The following ZFP64 variants were observed in gnomAD, a reference collection of about 807,000 sequenced individuals.
ZFP64 encodes ZFP64 zinc finger protein, also known as zinc finger protein 64.
In ZFP64, 14 loss-of-function variants were observed where a neutral mutation model predicts 51.6. The observed-to-expected ratio is 0.27, with a 90% CI of 0.18 to 0.42. The LOEUF (loss-of-function observed/expected upper bound fraction) is 0.42. ZFP64 is among the 10% of genes least tolerant of loss of function. The probability of loss-of-function intolerance (pLI) is 1.00; values close to 1 mark genes in which losing one functional copy is unlikely to be tolerated. For synonymous variants in ZFP64, 375 were observed against 361.4 expected, an observed-to-expected ratio of 1.04 and a Z score of -0.43; for missense variants, 754 against 906.8, an observed-to-expected ratio of 0.83 and a Z score of 2.16.
intron 5 of ZFP64, among the ~76,000 whole-genome samples, chr20:52,133,872 T>C (rs1600737501): frequency 6.6e-6 from 1 of 151,508 alleles, no homozygotes; most frequent in East Asian, 2.0e-4. Flanking sequence ...CTACAAAAAA[T>C]ACAAAAATTA....
At chr20:52,129,647 C>G (rs1439390681) in intron 5 of ZFP64, among the ~76,000 whole-genome samples, 1 of 152,126 alleles carries the variant, frequency 6.6e-6, no homozygotes, top group Non-Finnish European at 1.5e-5. Flanking sequence ...TGCTGGTCAC[C>G]CCGGCCCTGG....
At position 52,085,373 on chromosome 20, in the gene ZFP64, A is replaced by T; in HGVS notation, c.1229-107T>A. Reference sequence around the variant, plus strand: ...CGCCATGAGATGGTTGGGTTTTGTGAACTCTAAACCCAACCTCCTAATGAC... The same window carrying T: ...CGCCATGAGATGGTTGGGTTTTGTGTACTCTAAACCCAACCTCCTAATGAC... On this transcript the variant is annotated intron_variant, in intron 8 of 8. Transcript: ENST00000361387. The surrounding 1 kb of genome is among the most constrained non-coding windows in gnomAD (Gnocchi z 4.3). The T allele has an allele frequency of 1.6e-6, 2 of 1,219,430 alleles. No homozygotes were observed. The highest frequency in any genetic ancestry group is 2.3e-6 in the Non-Finnish European group (2 of 886,838). 75.5% of individuals were successfully genotyped at this position (1,219,430 alleles called of 1,614,324 possible). A position where few individuals can be genotyped will look rare whatever the true frequency, so the allele number is the denominator to read the frequency against.
At chr20:52,128,757 G>C (rs368837324) in intron 5 of ZFP64, among the ~76,000 whole-genome samples, 1 of 152,066 alleles carries the variant, frequency 6.6e-6, no homozygotes, top group East Asian at 1.9e-4. Context: ...TTTCCACCTG[G>C]TCTCCCACAG....
intron 5 of ZFP64, among the ~76,000 whole-genome samples, chr20:52,120,855 T>C (rs1979155935): frequency 6.6e-6 from 1 of 151,972 alleles, no homozygotes; most frequent in South Asian, 2.1e-4. Context: ...TCTTGTATTT[T>C]TAGTACAGAT....
chr20:52,142,015 A>G (rs1262449218), intron 5 of ZFP64, among the ~76,000 whole-genome samples: 1 of 152,212 alleles, frequency 6.6e-6, no homozygotes, highest in Non-Finnish European at 1.5e-5. Flanking sequence ...ATGGGCATAC[A>G]GTGTGGAATA....
At chr20:52,171,056 G>A (rs930473005) in intron 2 of ZFP64, among the ~76,000 whole-genome samples, 3 of 152,210 alleles carry the variant, frequency 2.0e-5, no homozygotes, top group Admixed American at 6.5e-5. Flanking sequence ...TATATTAATA[G>A]TATTCTGTTG....
chr20:52,098,487 C>T (rs2079015862), exon 6 of ZFP64: 2 of 1,614,008 alleles, frequency 1.2e-6, no homozygotes, highest in African/African-American at 1.3e-5. Context: ...CCATTTGTTC[C>T]CTTGCCTCTG....
chr20:52,155,966 A>G (rs1285288893), intron 5 of ZFP64, among the ~76,000 whole-genome samples: 1 of 152,252 alleles, frequency 6.6e-6, no homozygotes, highest in Admixed American at 6.5e-5. Flanking sequence ...AGGGAAAATG[A>G]ACATTCCACG....
chr20:52,137,521 G>C (rs1363966298), intron 5 of ZFP64, among the ~76,000 whole-genome samples: 1 of 152,200 alleles, frequency 6.6e-6, no homozygotes, highest in African/African-American at 2.4e-5. Context: ...TATGCTCCAG[G>C]AAGTACTCCA....
chr20:52,088,793 T>C, intron 7 of ZFP64: 1 of 999,038 alleles, frequency 1.0e-6, no homozygotes, highest in Non-Finnish European at 1.5e-6. Context: ...CATCAGCATA[T>C]TGGGAAACAA....
intron 5 of ZFP64, among the ~76,000 whole-genome samples, chr20:52,100,252 G>GTATTTT (rs111768973): frequency 2.1e-4 from 31 of 150,082 alleles, no homozygotes; most frequent in African/African-American, 5.6e-4. Flanking sequence ...GCCTCCCAAA[G>GTATTTT]TTTTTTTTTT....
At chr20:52,164,447 G>A (rs1056466691) in intron 4 of ZFP64, among the ~76,000 whole-genome samples, 14 of 152,156 alleles carry the variant, frequency 9.2e-5, no homozygotes, top group Non-Finnish European at 1.6e-4. Context: ...CAAAATGGCT[G>A]TAACAGTTCA....
intron 5 of ZFP64, among the ~76,000 whole-genome samples, chr20:52,120,596 G>C (rs1177475336): frequency 7.1e-6 from 1 of 140,468 alleles, no homozygotes; most frequent in African/African-American, 3.1e-5. Flanking sequence ...GTGTTTCTGT[G>C]TCATGCTGAG....
intron 5 of ZFP64, among the ~76,000 whole-genome samples, chr20:52,134,028 CA>C (rs59218544): frequency 4.3e-3 from 423 of 97,410 alleles, no homozygotes; most frequent in African/African-American, 0.016. Flanking sequence ...GATCCTGTCT[CA>C]AAAAAAAAAA....
intron 5 of ZFP64, among the ~76,000 whole-genome samples, chr20:52,142,377 G>GACACACACACACACACGCGCAC (rs749072185): frequency 5.1e-4 from 61 of 118,470 alleles, no homozygotes; most frequent in Non-Finnish European, 7.0e-4. Flanking sequence ...CACACACACA[G>GACACACACACACACACGCGCAC]ACACACACAC....
chr20:52,092,687 C>G (rs1227633933), intron 7 of ZFP64, among the ~76,000 whole-genome samples: 5 of 152,118 alleles, frequency 3.3e-5, no homozygotes, highest in African/African-American at 4.8e-5. Context: ...AACAGCATCT[C>G]CACTGTAAAA....
chr20:52,171,749 C>G (rs1250737175), intron 2 of ZFP64, among the ~76,000 whole-genome samples: 1 of 90,648 alleles, frequency 1.1e-5, no homozygotes, highest in African/African-American at 4.7e-5. Flanking sequence ...CTCGGCCTCC[C>G]CAATTTTTTT....
At chr20:52,092,872 C>T (rs777436781) in intron 7 of ZFP64, among the ~76,000 whole-genome samples, 10 of 152,072 alleles carry the variant, frequency 6.6e-5, no homozygotes, top group Non-Finnish European at 1.0e-4. Context: ...AACAAAAAAA[C>T]TGAAACAAAA....
At chr20:52,161,320 G>A (rs572688265) in intron 4 of ZFP64, among the ~76,000 whole-genome samples, 1 of 152,076 alleles carries the variant, frequency 6.6e-6, no homozygotes, top group South Asian at 2.1e-4. Context: ...GTATGTTTTT[G>A]GTACATAAAA....
Sources: gnomAD v4.1 joint callset for allele counts (sites outside exome capture counted in the v4.1 genomes callset) on GRCh38, gnomAD v4.1.1 for gene constraint, Gnocchi (gnomAD v3.1) non-coding constraint, MANE v1.5 for transcripts, NCBI Gene and HGNC (gene_info 2026-07-23, HGNC 2026-07-21) for gene names.